Variants in CTNNB1 observed in about 807,000 individuals in gnomAD.
The protein encoded by CTNNB1 is catenin beta 1, also known as catenin beta-1.
Under a neutral mutation model 82.5 loss-of-function variants are expected in CTNNB1, and 6 were observed. The ratio of observed to expected loss-of-function variants is 0.07; its 90% CI spans 0.04 to 0.14. CTNNB1 has a LOEUF of 0.14. Ranked by LOEUF, CTNNB1 falls within the 10% of genes least tolerant of loss-of-function variation. CTNNB1 has a pLI of 1.00. For synonymous variants in CTNNB1, 312 were observed against 329.7 expected (o/e 0.95, Z 0.58); for missense variants, 529 against 980.4 (o/e 0.54, Z 6.15).
rs549162231 is a variant in CTNNB1, at chr3:41,233,957, A to G, written c.1524+90A>G. On this transcript the variant is annotated intron_variant, in intron 9 of 14. Coordinates refer to ENST00000349496, the MANE Select transcript of CTNNB1 (RefSeq NM_001904.4). ...GATGGCTGTCTAAGCATAGTGATCA[A>G]TAAGTAGGAATTGTATTCCTTAGTA... 1.5e-5 allele frequency: 22 copies of G among 1,455,782 alleles called. No homozygotes were observed. In the East Asian group the frequency reaches 2.3e-4, roughly 15 times the overall value. 90.2% of individuals were successfully genotyped at this position (1,455,782 alleles called of 1,614,324 possible). A position where few individuals can be genotyped will look rare whatever the true frequency, so the allele number is the denominator to read the frequency against.
chr3:41,236,120 T>C, intron 11 of CTNNB1: 1 of 711,320 alleles, frequency 1.4e-6, no homozygotes, highest in South Asian at 1.8e-5. Context: ...TTTCCAAATC[T>C]TAGATCAGTT....
intron 13 of CTNNB1, 199 bp from the exon 14 acceptor site, chr3:41,237,817 A>G: frequency 1.7e-6 from 1 of 571,714 alleles, no homozygotes. Context: ...AGTATTTTTA[A>G]TGTGAGGTGC....
intron 1 of CTNNB1, among the ~76,000 whole-genome samples, chr3:41,218,410 TCAA>T (rs2077962135): frequency 6.6e-6 from 1 of 152,164 alleles, no homozygotes; most frequent in Non-Finnish European, 1.5e-5. Flanking sequence ...TCTTCTTAAA[TCAA>T]GAACAAGACA....
At chr3:41,224,803 G>C (rs755954409) in intron 3 of CTNNB1, 50 bp downstream of exon 3, 1 of 1,599,460 alleles carries the variant, frequency 6.3e-7, no homozygotes, top group African/African-American at 1.3e-5. Context: ...ATGCAGTTTT[G>C]AGAACTAAAA....
chr3:41,211,121 G>C (rs1204678152), intron 1 of CTNNB1: 2 of 455,654 alleles, frequency 4.4e-6, no homozygotes, highest in Admixed American at 2.4e-5. Context: ...CTGAAGCACA[G>C]TAAACCTACT....
At chr3:41,207,152 C>T (rs930069271) in intron 1 of CTNNB1, among the ~76,000 whole-genome samples, 3 of 151,912 alleles carry the variant, frequency 2.0e-5, no homozygotes, top group African/African-American at 7.3e-5. Context: ...ATTCTGTTCC[C>T]CATAGAATAA....
intron 1 of CTNNB1, among the ~76,000 whole-genome samples, chr3:41,218,977 A>C (rs1328540784): frequency 6.6e-6 from 1 of 152,256 alleles, no homozygotes; most frequent in Non-Finnish European, 1.5e-5. Context: ...TTTACTTCAT[A>C]AACTATATGA....
At chr3:41,220,431 G>A (rs1054354198) in intron 1 of CTNNB1, 14 of 59,178 alleles carry the variant, frequency 2.4e-4, no homozygotes, top group Admixed American at 9.6e-4. Context: ...CCCCCTCCCC[G>A]AAGAAAGCTG....
intron 10 of CTNNB1, 100 bp from the exon 11 acceptor site, chr3:41,235,624 G>A: frequency 1.3e-6 from 2 of 1,509,768 alleles, no homozygotes; most frequent in East Asian, 4.5e-5. Flanking sequence ...AAGTTACGGG[G>A]AACTTCGGGT....
intron 1 of CTNNB1, among the ~76,000 whole-genome samples, chr3:41,222,583 T>C (rs2078074831): frequency 6.6e-6 from 1 of 152,236 alleles, no homozygotes; most frequent in Non-Finnish European, 1.5e-5. Context: ...CTTTTTTCCA[T>C]TGTAAAAATG....
At chr3:41,237,846 A>G (rs972987300) in intron 13 of CTNNB1, 170 bp from the exon 14 acceptor site, 2 of 622,670 alleles carry the variant, frequency 3.2e-6, no homozygotes, top group African/African-American at 3.7e-5. Context: ...AAAAAAATGT[A>G]TCTTTGAGGT....
chr3:41,213,498 C>T (rs1237173917), intron 1 of CTNNB1, among the ~76,000 whole-genome samples: 1 of 152,174 alleles, frequency 6.6e-6, no homozygotes, highest in Non-Finnish European at 1.5e-5. Flanking sequence ...TGTCTGCATT[C>T]TGCAGTAATC....
intron 7 of CTNNB1, chr3:41,233,121 GA>G: frequency 1.6e-6 from 1 of 610,986 alleles, no homozygotes. Context: ...CTTAGGAAAG[GA>G]ACAGTAGCTA....
rs547687168 is a variant in CTNNB1, at chr3:41,233,988, G to C, written c.1524+121G>C. 9.1e-6 allele frequency: 13 copies of C among 1,422,390 alleles called. No individual in the cohort carries two copies. The South Asian group carries it at 1.5e-4, about 17-fold the overall frequency. The allele number at this position is 1,422,390 out of a possible 1,614,324, so 88.1% of individuals were successfully genotyped here. A position where few individuals can be genotyped will look rare whatever the true frequency, so the allele number is the denominator to read the frequency against. On this transcript the variant is annotated intron_variant, in intron 9 of 14. Coordinates refer to ENST00000349496, the MANE Select transcript of CTNNB1 (RefSeq NM_001904.4). ...AGGAATTGTATTCCTTAGTAAGTAG[G>C]AAGTATGGCTGCGATAGGGGTAAGA...
intron 10 of CTNNB1, chr3:41,234,583 C>T: frequency 2.3e-6 from 1 of 434,672 alleles, no homozygotes; most frequent in Non-Finnish European, 4.3e-6. Flanking sequence ...CAAAGGCCCA[C>T]TTCCTTAGGA....
intron 1 of CTNNB1, among the ~76,000 whole-genome samples, chr3:41,209,606 C>G (rs1559457339): frequency 6.6e-6 from 1 of 152,152 alleles, no homozygotes; most frequent in Non-Finnish European, 1.5e-5. Flanking sequence ...GTGTGAACAT[C>G]AGAGTATACA....
In CTNNB1 at chr3:41,239,592, A is replaced by G. The variant is rs1474053708; in HGVS notation, c.*250A>G. On this transcript the variant is annotated 3_prime_UTR_variant, in exon 15 of 15. Coordinates refer to ENST00000349496, the MANE Select transcript of CTNNB1 (RefSeq NM_001904.4). ...AATGTTTTTTGCCACAGCTTTTGCA[A>G]CTTAATACTCAAATGAGTAACATTT... 5 of 543,314 alleles carry G rather than the reference A, an allele frequency of 9.2e-6. No homozygotes were observed. The highest frequency in any genetic ancestry group is 8.2e-5 in the South Asian group (4 of 49,008). The allele number at this position is 543,314 out of a possible 1,614,324, so 33.7% of individuals were successfully genotyped here.
intron 10 of CTNNB1, 168 bp downstream of exon 10, chr3:41,234,465 TAA>T: frequency 1.4e-6 from 1 of 725,234 alleles, no homozygotes; most frequent in Non-Finnish European, 2.4e-6. Flanking sequence ...GCAGAGAAAA[TAA>T]GGCATAGTGT....
In CTNNB1 at chr3:41,224,012, T is replaced by C; in HGVS notation, c.-48-9T>C. The stretch of plus-strand genomic sequence containing the variant: ...TAAATCCTAATGACTTTTGATTAAC[T>C]TTTTTTAGGGTATTTGAAGTATACC... On this transcript the variant is annotated splice_polypyrimidine_tract_variant and intron_variant, in intron 1 of 14. Transcript: ENST00000349496. The C allele has an allele frequency of 1.3e-6, 2 of 1,585,024 alleles. No individual in the cohort carries two copies. Among genetic ancestry groups the C allele is most frequent in the Non-Finnish European group, 1.7e-6 (2 of 1,153,804 alleles).
Sources: allele counts gnomAD v4.1 joint callset (sites outside exome capture counted in the v4.1 genomes callset), GRCh38; gene constraint gnomAD v4.1.1; transcripts MANE v1.5; gene names NCBI Gene and HGNC (gene_info 2026-07-23, HGNC 2026-07-21).